Variants in CMIP observed in about 807,000 individuals in gnomAD.
CMIP encodes C-Maf-inducing protein.
In CMIP, 13 loss-of-function variants were observed where a neutral mutation model predicts 97.3. The ratio of observed to expected loss-of-function variants is 0.13; its 90% CI spans 0.09 to 0.21. The LOEUF is 0.21. Ranked by LOEUF, CMIP falls within the 10% of genes least tolerant of loss-of-function variation. CMIP has a pLI of 1.00. For missense variants in CMIP, 847 were observed against 1,024.9 expected (o/e 0.83, Z 2.37); for synonymous variants, 538 against 436.3 (o/e 1.23, Z -2.91).
At chr16:81,485,498 C>G (rs76845022) in intron 1 of CMIP, among the ~76,000 whole-genome samples, 1,903 of 152,322 alleles carry the variant, frequency 0.012, 43 homozygotes, top group African/African-American at 0.044. Context: ...AGACACTCCC[C>G]AGGTGATTCT....
intron 1 of CMIP, among the ~76,000 whole-genome samples, chr16:81,490,782 G>C (rs1032376769): frequency 2.2e-4 from 33 of 151,802 alleles, no homozygotes; most frequent in Admixed American, 2.1e-3. Context: ...AGCCACCCTG[G>C]GGTGTCTGGG....
chr16:81,685,912 C>T (rs964122119), intron 10 of CMIP, among the ~76,000 whole-genome samples: 5 of 152,222 alleles, frequency 3.3e-5, no homozygotes, highest in African/African-American at 7.2e-5. Flanking sequence ...AGGTGTGAGC[C>T]GGGCCACCCT....
At chr16:81,673,388 C>T (rs1304993977) in intron 9 of CMIP, among the ~76,000 whole-genome samples, 1 of 152,136 alleles carries the variant, frequency 6.6e-6, no homozygotes, top group Non-Finnish European at 1.5e-5. Flanking sequence ...CATGGTGGTA[C>T]ATGACTGTAC....
chr16:81,482,773 A>T (rs2089246207), intron 1 of CMIP, among the ~76,000 whole-genome samples: 1 of 152,232 alleles, frequency 6.6e-6, no homozygotes, highest in Admixed American at 6.5e-5. Context: ...CTGGGTTTGA[A>T]TCCAAACTCC....
At chr16:81,455,141 C>A (rs575848713) in intron 1 of CMIP, among the ~76,000 whole-genome samples, 26 of 152,348 alleles carry the variant, frequency 1.7e-4, no homozygotes, top group African/African-American at 6.0e-4. Flanking sequence ...AGACTAAGGA[C>A]TGGCCGGCCA....
At chr16:81,667,795 AGAGAGTGTGTGTGTGT>A (rs1404056701) in intron 7 of CMIP, among the ~76,000 whole-genome samples, 80 of 68,082 alleles carry the variant, frequency 1.2e-3, no homozygotes, top group African/African-American at 4.3e-3. Flanking sequence ...AGAGAGAGAG[AGAGAGTGTGTGTGTGT>A]GTGTGTGTGT....
At chr16:81,693,521 G>T in intron 13 of CMIP, 34 bp downstream of exon 13, 1 of 1,599,988 alleles carries the variant, frequency 6.3e-7, no homozygotes, top group Non-Finnish European at 8.5e-7. Context: ...CAGGCCGGCT[G>T]TCTGGGGATG....
intron 1 of CMIP, among the ~76,000 whole-genome samples, chr16:81,473,301 A>G (rs900058923): frequency 2.0e-5 from 3 of 152,164 alleles, no homozygotes; most frequent in Non-Finnish European, 4.4e-5. Context: ...TGAGGGAATG[A>G]CACAGAAAGG....
At chr16:81,570,262 G>A (rs1210904885) in intron 1 of CMIP, among the ~76,000 whole-genome samples, 1 of 152,148 alleles carries the variant, frequency 6.6e-6, no homozygotes, top group Admixed American at 6.5e-5. Flanking sequence ...TCTGGGGGTC[G>A]TGGACCTTCC....
intron 1 of CMIP, among the ~76,000 whole-genome samples, chr16:81,471,081 GCA>G (rs1175338151): frequency 1.3e-5 from 2 of 152,008 alleles, no homozygotes; most frequent in Non-Finnish European, 2.9e-5. Flanking sequence ...ATACCCACAT[GCA>G]CACACACGTA....
At chr16:81,577,706 CCA>C (rs2091220511) in intron 1 of CMIP, among the ~76,000 whole-genome samples, 1 of 150,838 alleles carries the variant, frequency 6.6e-6, no homozygotes, top group African/African-American at 2.5e-5. Flanking sequence ...ATCACCATCA[CCA>C]TCATCACCAT....
chr16:81,604,737 A>G (rs1236723169), intron 1 of CMIP, among the ~76,000 whole-genome samples: 1 of 152,186 alleles, frequency 6.6e-6, no homozygotes, highest in Non-Finnish European at 1.5e-5. Flanking sequence ...GTATTTATTT[A>G]TACCCAACCT....
intron 10 of CMIP, among the ~76,000 whole-genome samples, chr16:81,690,590 G>A (rs941156829): frequency 2.0e-5 from 3 of 151,942 alleles, no homozygotes; most frequent in Non-Finnish European, 4.4e-5. Context: ...TGCGGCCTCC[G>A]CCTCCCAGGT....
intron 1 of CMIP, among the ~76,000 whole-genome samples, chr16:81,558,450 A>G (rs2090812177): frequency 6.6e-6 from 1 of 152,222 alleles, no homozygotes; most frequent in African/African-American, 2.4e-5. Flanking sequence ...GGGACCTGCC[A>G]GATTATTTTC....
intron 1 of CMIP, among the ~76,000 whole-genome samples, chr16:81,511,894 C>T (rs1015812089): frequency 5.3e-5 from 8 of 152,104 alleles, no homozygotes; most frequent in Non-Finnish European, 4.4e-5. Flanking sequence ...CTGTCCAATA[C>T]CACGGCCACC....
intron 1 of CMIP, among the ~76,000 whole-genome samples, chr16:81,564,402 G>A (rs1035998621): frequency 3.2e-4 from 49 of 152,322 alleles, no homozygotes; most frequent in African/African-American, 1.1e-3. Context: ...TGTTATACAT[G>A]TAATGGTCTC....
intron 2 of CMIP, among the ~76,000 whole-genome samples, chr16:81,615,725 G>T (rs1295959352): frequency 6.8e-6 from 1 of 146,618 alleles, no homozygotes; most frequent in Non-Finnish European, 1.5e-5. Flanking sequence ...TGTGTAACTG[G>T]TGTGTGTGTG....
chr16:81,639,439 A>T (rs932508584), intron 3 of CMIP, among the ~76,000 whole-genome samples: 2 of 151,924 alleles, frequency 1.3e-5, no homozygotes, highest in African/African-American at 4.8e-5. Flanking sequence ...GGCATCCACC[A>T]TTCTGCTTTC....
chr16:81,485,097 A>T (rs978096660), intron 1 of CMIP, among the ~76,000 whole-genome samples: 5 of 152,154 alleles, frequency 3.3e-5, no homozygotes, highest in Non-Finnish European at 7.3e-5. Flanking sequence ...TTTGCTGTGT[A>T]TGGGGCTCAG....
Sources: allele counts gnomAD v4.1 joint callset (sites outside exome capture counted in the v4.1 genomes callset), GRCh38; gene constraint gnomAD v4.1.1; transcripts MANE v1.5; gene names NCBI Gene and HGNC (gene_info 2026-07-23, HGNC 2026-07-21).